TMCC1: variants seen among roughly 807,000 people sequenced by gnomAD.
TMCC1 encodes transmembrane and coiled-coil domains protein 1.
Under a neutral mutation model 52.4 loss-of-function variants are expected in TMCC1, and 15 were observed. The observed-to-expected ratio is 0.29, with a 90% CI of 0.19 to 0.44. TMCC1 has a LOEUF of 0.44. TMCC1 is among the 20% of genes least tolerant of loss of function. The probability of loss-of-function intolerance (pLI) is 1.00; values close to 1 mark genes in which losing one functional copy is unlikely to be tolerated. For missense variants in TMCC1, 503 were observed against 806.0 expected (o/e 0.62, Z 4.55); for synonymous variants, 279 against 301.9 (o/e 0.92, Z 0.79).
intron 2 of TMCC1, among the ~76,000 whole-genome samples, chr3:129,865,787 A>T (rs559363135): frequency 3.9e-5 from 6 of 152,314 alleles, no homozygotes; most frequent in Non-Finnish European, 8.8e-5. Flanking sequence ...TAAATGAATG[A>T]TGGGCCATTA....
intron 1 of TMCC1, among the ~76,000 whole-genome samples, chr3:129,889,810 A>C (rs1336591290): frequency 6.6e-6 from 1 of 152,040 alleles, no homozygotes; most frequent in Non-Finnish European, 1.5e-5. Context: ...TGAAGAGTAA[A>C]GATAAAACTA....
At chr3:129,698,719 A>G (rs2047595190) in intron 4 of TMCC1, among the ~76,000 whole-genome samples, 1 of 152,090 alleles carries the variant, frequency 6.6e-6, no homozygotes, top group African/African-American at 2.4e-5. Context: ...CCCTCTGCCT[A>G]TTTTCTTAAG....
At chr3:129,775,999 C>G (rs1299365495) in intron 4 of TMCC1, among the ~76,000 whole-genome samples, 2 of 150,896 alleles carry the variant, frequency 1.3e-5, no homozygotes, top group Non-Finnish European at 3.0e-5. Context: ...CACATTAAGC[C>G]TCATCTACAC....
chr3:129,821,053 T>C (rs2058392795), intron 4 of TMCC1, among the ~76,000 whole-genome samples: 1 of 152,206 alleles, frequency 6.6e-6, no homozygotes, highest in African/African-American at 2.4e-5. Flanking sequence ...TAAGACCAAC[T>C]GTTCAAGTTT....
At chr3:129,891,040 T>A (rs986051836) in intron 1 of TMCC1, among the ~76,000 whole-genome samples, 2 of 152,308 alleles carry the variant, frequency 1.3e-5, no homozygotes, top group Middle Eastern at 3.4e-3. Flanking sequence ...TGTGGGGAAG[T>A]TCAACACTGG....
At chr3:129,718,446 T>A (rs2049278885) in intron 4 of TMCC1, among the ~76,000 whole-genome samples, 2 of 152,216 alleles carry the variant, frequency 1.3e-5, no homozygotes, top group South Asian at 4.1e-4. Context: ...TAAAAAGCGA[T>A]CTCTTGAGAC....
chr3:129,800,036 T>C (rs1371782664), intron 4 of TMCC1, among the ~76,000 whole-genome samples: 1 of 152,216 alleles, frequency 6.6e-6, no homozygotes, highest in Non-Finnish European at 1.5e-5. Flanking sequence ...TTCACTGCTG[T>C]TTCCCCAATA....
At chr3:129,715,767 A>T (rs996294435) in intron 4 of TMCC1, among the ~76,000 whole-genome samples, 1 of 152,166 alleles carries the variant, frequency 6.6e-6, no homozygotes, top group Non-Finnish European at 1.5e-5. Flanking sequence ...CTTATATCTT[A>T]TACATTCTTG....
chr3:129,772,374 A>G (rs562776459), intron 4 of TMCC1, among the ~76,000 whole-genome samples: 2 of 152,126 alleles, frequency 1.3e-5, no homozygotes, highest in East Asian at 3.9e-4. Flanking sequence ...TTTTCTTTAT[A>G]TATTTTTCTA....
intron 1 of TMCC1, among the ~76,000 whole-genome samples, chr3:129,890,261 C>A (rs1436149820): frequency 6.6e-6 from 1 of 152,232 alleles, no homozygotes; most frequent in African/African-American, 2.4e-5. Context: ...ATTTAACTTA[C>A]AAGCCAACCT....
At chr3:129,721,726 A>AAAAAAAAAT (rs1560267327) in intron 4 of TMCC1, among the ~76,000 whole-genome samples, 2 of 145,672 alleles carry the variant, frequency 1.4e-5, no homozygotes, top group Non-Finnish European at 1.5e-5. Context: ...AAAAAAAAAA[A>AAAAAAAAAT]TTAGCTGGGC....
At chr3:129,760,220 C>G (rs955248989) in intron 4 of TMCC1, among the ~76,000 whole-genome samples, 1 of 151,518 alleles carries the variant, frequency 6.6e-6, no homozygotes, top group Non-Finnish European at 1.5e-5. Flanking sequence ...TTTGTTTTTT[C>G]TTTTTTTGAG....
chr3:129,859,750 T>G (rs1346487069), intron 2 of TMCC1, among the ~76,000 whole-genome samples: 1 of 152,174 alleles, frequency 6.6e-6, no homozygotes, highest in Non-Finnish European at 1.5e-5. Flanking sequence ...TTGTTCTAAT[T>G]TGATACTGCT....
At chr3:129,755,677 T>G (rs1254323893) in intron 4 of TMCC1, among the ~76,000 whole-genome samples, 1 of 152,112 alleles carries the variant, frequency 6.6e-6, no homozygotes, top group Non-Finnish European at 1.5e-5. Context: ...AAGTGGAAAT[T>G]AAAACCCCTA....
At chr3:129,799,341 G>A (rs1188312513) in intron 4 of TMCC1, among the ~76,000 whole-genome samples, 1 of 152,182 alleles carries the variant, frequency 6.6e-6, no homozygotes, top group Non-Finnish European at 1.5e-5. Context: ...GAAGGGAGGA[G>A]CAGAAAGTAG....
At chr3:129,686,064 C>G (rs993581221) in intron 4 of TMCC1, among the ~76,000 whole-genome samples, 13 of 152,184 alleles carry the variant, frequency 8.5e-5, no homozygotes, top group Non-Finnish European at 1.8e-4. Context: ...CTCTCCTGGA[C>G]CACTCATCCT....
chr3:129,686,255 T>C (rs2108935238), intron 4 of TMCC1, among the ~76,000 whole-genome samples: 1 of 152,304 alleles, frequency 6.6e-6, no homozygotes, highest in Admixed American at 6.5e-5. Context: ...CCTCTCTAGA[T>C]ACAAATACAA....
chr3:129,785,594 CACACACAT>C (rs1487116983), intron 4 of TMCC1, among the ~76,000 whole-genome samples: 2 of 149,538 alleles, frequency 1.3e-5, no homozygotes, highest in South Asian at 2.2e-4. Context: ...CAAACACACA[CACACACAT>C]ACACACACAC....
At chr3:129,652,457 A>G (rs2086396928) in intron 6 of TMCC1, among the ~76,000 whole-genome samples, 1 of 152,196 alleles carries the variant, frequency 6.6e-6, no homozygotes, top group Admixed American at 6.5e-5. Flanking sequence ...GTTGTGGCAC[A>G]AATGACCAGC....
Sources: gnomAD v4.1 joint callset for allele counts (sites outside exome capture counted in the v4.1 genomes callset) on GRCh38, gnomAD v4.1.1 for gene constraint, MANE v1.5 for transcripts, NCBI Gene and HGNC (gene_info 2026-07-23, HGNC 2026-07-21) for gene names.